Variants in DBN1 observed in about 807,000 individuals in gnomAD.
The protein encoded by DBN1 is drebrin 1.
DBN1 carries 21 observed loss-of-function variants against 83.5 expected under a neutral mutation model. The observed-to-expected ratio is 0.25, with a 90% CI of 0.18 to 0.36. The LOEUF (loss-of-function observed/expected upper bound fraction) is 0.36. DBN1 is among the 10% of genes least tolerant of loss of function. The pLI, the probability that DBN1 is intolerant of heterozygous loss-of-function variation, is 1.00. For missense variants in DBN1, 874 were observed against 935.7 expected, an observed-to-expected ratio of 0.93 and a Z score of 0.86; for synonymous variants, 381 against 384.9, an observed-to-expected ratio of 0.99 and a Z score of 0.12.
At chr5:177,460,283 G>C (rs1756921734) in intron 10 of DBN1, 149 bp downstream of exon 10, 9 of 1,184,568 alleles carry the variant, frequency 7.6e-6, no homozygotes, top group East Asian at 2.4e-5. Context: ...CTGCCACCTG[G>C]GAAGTGGTGG....
At chr5:177,465,639 C>A (rs540435359) in intron 8 of DBN1, among the ~76,000 whole-genome samples, 1 of 151,928 alleles carries the variant, frequency 6.6e-6, no homozygotes, top group African/African-American at 2.4e-5. Flanking sequence ...GCAGATCAAC[C>A]GAGGTCAGGA....
At chr5:177,470,150 G>C (rs1458972539) in intron 1 of DBN1, among the ~76,000 whole-genome samples, 1 of 152,178 alleles carries the variant, frequency 6.6e-6, no homozygotes, top group African/African-American at 2.4e-5. Flanking sequence ...AAGGAACACA[G>C]GTGGGCTGTG....
Position 177,469,540 on chromosome 5 carries a change from G to A in DBN1, c.87-641C>T, listed in dbSNP as rs546330273. On this transcript the variant is annotated intron_variant, in intron 1 of 14. Coordinates refer to ENST00000393565, the MANE Select transcript of DBN1 (RefSeq NM_001363541.2). The stretch of plus-strand genomic sequence containing the variant: ...TCACTCTCGCCCAGACTCTGGCCCC[G>A]GGGTGGCCAAGCCTGAGCTCCAGGC... 2.6e-5 allele frequency among the ~76,000 whole-genome samples: 4 copies of A among 152,322 alleles called. No individual in the cohort carries two copies. In the East Asian group the frequency reaches 5.8e-4, roughly 22 times the overall value.
In DBN1 at chr5:177,457,662, CTTG is replaced by C. The variant is rs1341105957; in HGVS notation, c.2007_2009del (p.Asn669del). 8.8e-6 allele frequency: 14 copies of C among 1,598,556 alleles called. No individual in the cohort carries two copies. The highest frequency in any genetic ancestry group is 1.3e-5 in the African/African-American group (1 of 74,742). ...CATCCAGCCCAGTACTACCTGGAGGCTTGTTGTAGAACACAGGAGGCGGAGCCT... is the reference window on the plus strand; with the variant it reads ...CATCCAGCCCAGTACTACCTGGAGGCTTGTAGAACACAGGAGGCGGAGCCT... On this transcript the variant is annotated inframe_deletion, in exon 14 of 15. Coordinates refer to ENST00000393565, the MANE Select transcript of DBN1 (RefSeq NM_001363541.2).
At chr5:177,465,840 G>A (rs1561684605) in intron 8 of DBN1, among the ~76,000 whole-genome samples, 1 of 146,310 alleles carries the variant, frequency 6.8e-6, no homozygotes, top group Admixed American at 6.8e-5. Context: ...GGGCGACAGA[G>A]TGAGACTCCA....
intron 12 of DBN1, 77 bp from the exon 13 acceptor site, chr5:177,458,784 A>C: frequency 7.5e-7 from 1 of 1,337,760 alleles, no homozygotes; most frequent in African/African-American, 1.5e-5. Context: ...CCCACTAAGG[A>C]GTGAGGGAGC....
In DBN1 at chr5:177,466,777, T is replaced by G. The variant is rs200457435; in HGVS notation, c.766A>C (p.Ile256Leu). 6.2e-7 allele frequency: 1 copy of G among 1,614,150 alleles called. No homozygotes were observed. Among genetic ancestry groups the G allele is most frequent in the African/African-American group, 1.3e-5 (1 of 75,038 alleles). ...AGCCTTGGCAAAGAACTTACAAAGA[T>G]AGACTGCTCCTTCAACCGCCTCTTG... ...EAKRRLKEQSIFGDHRDEEEE... is the reference protein window; with the variant it reads ...EAKRRLKEQSLFGDHRDEEEE... Residue 256 changes from isoleucine to leucine, a missense_variant, in exon 8 of 15, where the codon ATC becomes CTC. Ile to Leu is a conservative substitution (Grantham distance 5). This residue lies in a region of DBN1 where 725 missense variants were observed against 719.7 expected (regional missense o/e 1.01). Transcript: ENST00000393565. This position sits in a 1 kb window ranked among gnomAD's most constrained non-coding sequence, Gnocchi z 4.8.
chr5:177,467,015 A>T lies in DBN1; in HGVS notation c.603T>A (p.Asp201Glu). ...RKEEERKKAL[D>E]ERLRFEQERM... ...GCTCCTGCTCGAACCTGAGCCTCTC[A>T]TCCAGGGCCTTCTTCCGCTCCTCCT... Residue 201 changes from aspartate (D) to glutamate (E), a missense_variant, in exon 7 of 15, where the codon GAT becomes GAA. Transcript: ENST00000393565. This position sits in a 1 kb window ranked among gnomAD's most constrained non-coding sequence, Gnocchi z 9.1. 1 of 1,613,720 alleles carries T rather than the reference A, an allele frequency of 6.2e-7. No homozygotes were observed. The highest frequency in any genetic ancestry group is 1.3e-5 in the African/African-American group (1 of 75,000).
Position 177,460,723 on chromosome 5 carries a change from T to A in DBN1, c.772-20A>T. On this transcript the variant is annotated intron_variant, in intron 8 of 14. Coordinates refer to ENST00000393565, the MANE Select transcript of DBN1 (RefSeq NM_001363541.2). ...GTCACCCTAGAAACCAAAGGGACAG[T>A]GTCTGGTGCACCTACCCCCCACAGG... The A allele has an allele frequency of 6.2e-7, 1 of 1,612,812 alleles. No individual in the cohort carries two copies.
intron 8 of DBN1, among the ~76,000 whole-genome samples, chr5:177,465,027 A>G (rs559374593): frequency 9.4e-4 from 142 of 151,798 alleles, no homozygotes; most frequent in Middle Eastern, 3.4e-3. Context: ...GGTGGCGGGC[A>G]CCTGTAGTCC....
At chr5:177,468,782 G>A in intron 2 of DBN1, 62 bp downstream of exon 2, 2 of 1,187,712 alleles carry the variant, frequency 1.7e-6, no homozygotes, top group Non-Finnish European at 2.2e-6. Flanking sequence ...AGGTGGGTGG[G>A]GAAGAAAACA....
intron 2 of DBN1, chr5:177,468,530 AATCAAG>A: frequency 2.6e-5 from 12 of 469,332 alleles, no homozygotes; most frequent in Admixed American, 1.1e-4. Flanking sequence ...CCAGAGGCAC[AATCAAG>A]CCTTCTGGCT....
Position 177,458,137 on chromosome 5 carries a change from A to G in DBN1, c.1835T>C (p.Leu612Pro). Residue 612 changes from leucine (L) to proline (P), a missense_variant, in exon 13 of 15, where the codon CTT becomes CCT. Physicochemically the swap from Leu to Pro is moderately conservative, Grantham distance 98. Transcript: ENST00000393565. Reference protein sequence around the residue: ...APQTPTLPSALEELEQEQEPE... With the variant: ...APQTPTLPSAPEELEQEQEPE... ...CTCCTGCTCTTGCTCCAGCTCCTCAAGGGCTGAGGGCAGAGTTGGGGTCTG... is the reference window on the plus strand; with the variant it reads ...CTCCTGCTCTTGCTCCAGCTCCTCAGGGGCTGAGGGCAGAGTTGGGGTCTG... 1 of 1,613,438 alleles carries G rather than the reference A, an allele frequency of 6.2e-7. No homozygotes were observed. Among genetic ancestry groups the G allele is most frequent in the Non-Finnish European group, 8.5e-7 (1 of 1,179,974 alleles).
At position 177,459,665 on chromosome 5, in the gene DBN1, G is replaced by A; in HGVS notation, c.1031C>T (p.Pro344Leu). 3 of 1,591,920 alleles carry A rather than the reference G, an allele frequency of 1.9e-6. No individual in the cohort carries two copies. Among genetic ancestry groups the A allele is most frequent in the Non-Finnish European group, 2.6e-6 (3 of 1,169,570 alleles). ...GGTGATATAGGGAAAGGGAGTCCGTGGAGGGGAGGAGGAGGAAGAGGAGGA... is the reference window on the plus strand; with the variant it reads ...GGTGATATAGGGAAAGGGAGTCCGTAGAGGGGAGGAGGAGGAAGAGGAGGA... ...SSSSSSSSSP[P>L]RTPFPYITCH... Residue 344 changes from proline to leucine, a missense_variant, in exon 11 of 15, where the codon CCA becomes CTA. By Grantham distance (98) the Pro-to-Leu change is moderately conservative. Transcript: ENST00000393565.
rs572003347 is a variant in DBN1, at chr5:177,458,159, T to C, written c.1813A>G (p.Thr605Ala). The change falls in exon 13 of 15, where the codon ACC becomes GCC. Residue 605 changes from threonine to alanine, a missense_variant. Coordinates refer to ENST00000393565, the MANE Select transcript of DBN1 (RefSeq NM_001363541.2). ...VEGESLAAPQTPTLPSALEEL... is the reference protein window; with the variant it reads ...VEGESLAAPQAPTLPSALEEL... ...TCAAGGGCTGAGGGCAGAGTTGGGGTCTGGGGGGCAGCCAGGGACTCCCCT... is the reference window on the plus strand; with the variant it reads ...TCAAGGGCTGAGGGCAGAGTTGGGGCCTGGGGGGCAGCCAGGGACTCCCCT... The C allele has an allele frequency of 8.7e-6, 14 of 1,612,808 alleles. No individual in the cohort carries two copies. In the African/African-American group the frequency reaches 1.9e-4, roughly 22 times the overall value.
intron 2 of DBN1, 72 bp from the exon 3 acceptor site, chr5:177,468,292 G>A: frequency 7.2e-7 from 1 of 1,380,578 alleles, no homozygotes; most frequent in Non-Finnish European, 1.0e-6. Flanking sequence ...GGAACTCAAA[G>A]CAAAGACTCC....
rs1198614325 is a variant in DBN1 at position 177,456,692 on chromosome 5, AAAAAAAAAAC to A, written c.*731_*740del. 1 of 148,096 alleles carries A rather than the reference AAAAAAAAAAC, an allele frequency of 6.8e-6. No individual in the cohort carries two copies. Among genetic ancestry groups the A allele is most frequent in the Non-Finnish European group, 1.5e-5 (1 of 67,776 alleles). The allele number at this position is 148,096 out of a possible 1,614,324, so 9.2% of individuals were successfully genotyped here. ...GCTTTCCAAAAAAAAAAAAAAAAAA[AAAAAAAAAAC>A]AGTTACTAAACGTGAAAAAGGAACC... On this transcript the variant is annotated 3_prime_UTR_variant, in exon 15 of 15. Coordinates refer to ENST00000393565, the MANE Select transcript of DBN1 (RefSeq NM_001363541.2).
rs914125832 is a variant in DBN1 at position 177,467,619 on chromosome 5, G to A, written c.339C>T (p.Asp113=). ...AKVAEFFQGV[D]VIVNASSVED... The stretch of plus-strand genomic sequence containing the variant: ...CCACGCTGCTGGCGTTCACGATCAC[G>A]TCGACACCCTTCCGCAAGAAGACGG... The change falls in exon 5 of 15, where the codon GAC becomes GAT. Residue 113 remains aspartate, a synonymous_variant. Coordinates refer to ENST00000393565, the MANE Select transcript of DBN1 (RefSeq NM_001363541.2). The surrounding 1 kb of genome is among the most constrained non-coding windows in gnomAD (Gnocchi z 9.1). The A allele has an allele frequency of 1.1e-5, 17 of 1,573,056 alleles. No homozygotes were observed. The East Asian group carries it at 1.4e-4, about 13-fold the overall frequency.
At chr5:177,468,927 A>G in intron 1 of DBN1, 28 bp from the exon 2 acceptor site, 1 of 1,308,304 alleles carries the variant, frequency 7.6e-7, no homozygotes. Flanking sequence ...TGGCTGTCAA[A>G]CTGTCAGGGC....
Sources: allele counts gnomAD v4.1 joint callset (sites outside exome capture counted in the v4.1 genomes callset), GRCh38; gene constraint gnomAD v4.1.1; regional missense constraint gnomAD v4.1.1; non-coding constraint Gnocchi (gnomAD v3.1); transcripts MANE v1.5; gene names NCBI Gene and HGNC (gene_info 2026-07-23, HGNC 2026-07-21).